GPA33: variants seen among roughly 807,000 people sequenced by gnomAD.
GPA33 encodes glycoprotein A33.
In GPA33, 27 loss-of-function variants were observed where a neutral mutation model predicts 35.6. The ratio of observed to expected loss-of-function variants is 0.76; its 90% confidence interval spans 0.56 to 1.04. GPA33 has a LOEUF of 1.04. Ranked by LOEUF, GPA33 falls within the 50% of genes least tolerant of loss-of-function variation. GPA33 has a pLI of 0.00. For missense variants in GPA33, 428 were observed against 411.9 expected (o/e 1.04, Z -0.34); for synonymous variants, 176 against 164.0 (o/e 1.07, Z -0.56).
At chr1:167,087,995 C>T (rs969184579) in intron 1 of GPA33, among the ~76,000 whole-genome samples, 14 of 151,988 alleles carry the variant, frequency 9.2e-5, no homozygotes, top group African/African-American at 3.4e-4. Context: ...AAAAGCACGG[C>T]CTTGCGTTTG....
intron 4 of GPA33, among the ~76,000 whole-genome samples, chr1:167,061,145 G>A (rs1666430333): frequency 6.6e-6 from 1 of 152,216 alleles, no homozygotes; most frequent in African/African-American, 2.4e-5. Context: ...CAGCTAACAA[G>A]TGTCCGAGCC....
intron 1 of GPA33, among the ~76,000 whole-genome samples, chr1:167,076,502 G>T (rs1412251559): frequency 2.0e-5 from 3 of 152,146 alleles, no homozygotes; most frequent in Non-Finnish European, 2.9e-5. Context: ...AATTCCAGCT[G>T]GATTAACACA....
intron 1 of GPA33, among the ~76,000 whole-genome samples, chr1:167,079,796 C>T (rs1026492931): frequency 6.6e-6 from 1 of 152,190 alleles, no homozygotes; most frequent in Admixed American, 6.5e-5. Context: ...GCCATTGTAG[C>T]TTTAGAGGCT....
intron 1 of GPA33, among the ~76,000 whole-genome samples, chr1:167,084,364 C>A (rs1338884220): frequency 6.6e-6 from 1 of 152,148 alleles, no homozygotes; most frequent in East Asian, 1.9e-4. Context: ...AATCATCACA[C>A]AAAGTGATGA....
At position 167,054,353 on chromosome 1, in the gene GPA33, G is replaced by A. The variant is rs148351388; in HGVS notation, c.941C>T (p.Pro314Leu). The change falls in exon 7 of 7, where the codon CCG (proline) becomes CTG (leucine). Residue 314 changes from proline (P) to leucine (L), a missense_variant. Pro to Leu is a moderately conservative substitution (Grantham distance 98). Coordinates refer to ENST00000367868, the MANE Select transcript of GPA33 (RefSeq NM_005814.3). Reference protein sequence around the residue: ...EEQRSTGRESPDHLDQ With the variant: ...EEQRSTGRESLDHLDQ ...GGCCTGTCACTGGTCGAGGTGGTCCGGGGATTCACGCCCAGTGCTCCTCTG... is the reference window on the plus strand; with the variant it reads ...GGCCTGTCACTGGTCGAGGTGGTCCAGGGATTCACGCCCAGTGCTCCTCTG... 328 of 1,613,998 alleles carry A rather than the reference G, an allele frequency of 2.0e-4. 2 individuals carry two copies. The African/African-American group carries it at 2.7e-3, about 13-fold the overall frequency.
chr1:167,056,665 G>GCCTGGGA, intron 4 of GPA33, among the ~76,000 whole-genome samples: 1 of 916 alleles, frequency 1.1e-3, no homozygotes, highest in South Asian at 0.062. Context: ...GTGGTACGGT[G>GCCTGGGA]AGTGTGTGAT....
At position 167,055,781 on chromosome 1, in the gene GPA33, T is replaced by A; in HGVS notation, c.640A>T (p.Ser214Cys). The A allele has an allele frequency of 1.9e-6, 3 of 1,613,668 alleles. No homozygotes were observed. The highest frequency in any genetic ancestry group is 2.5e-6 in the Non-Finnish European group (3 of 1,179,626). ...CAGAACTGCGTCCCCTCCTCATTGC[T>A]GGAGGTACAGATGTAGTAACCCGAT... ...DTSGYYICTS[S>C]NEEGTQFCNI... The change falls in exon 5 of 7, where the codon AGC becomes TGC. Residue 214 changes from serine to cysteine, a missense_variant. Ser to Cys is a moderately radical substitution (Grantham distance 112, BLOSUM62 -1). Transcript: ENST00000367868.
intron 4 of GPA33, among the ~76,000 whole-genome samples, chr1:167,062,217 T>A (rs986836846): frequency 6.6e-6 from 1 of 151,418 alleles, no homozygotes; most frequent in Non-Finnish European, 1.5e-5. Flanking sequence ...TTTACTTTAT[T>A]TTATTTTATT....
At chr1:167,056,804 G>GTGTGGCATGTGTAGTGTGGTGCATGTGGT (rs1558002143) in intron 4 of GPA33, among the ~76,000 whole-genome samples, 1 of 149,148 alleles carries the variant, frequency 6.7e-6, no homozygotes, top group Non-Finnish European at 1.5e-5. Flanking sequence ...CGTGTGGTGT[G>GTGTGGCATGTGTAGTGTGGTGCATGTGGT]GTGTGTATGT....
At chr1:167,055,629 G>C in intron 5 of GPA33, 101 bp downstream of exon 5, 2 of 1,327,276 alleles carry the variant, frequency 1.5e-6, no homozygotes, top group Non-Finnish European at 1.1e-6. Flanking sequence ...GCCCTAGAGA[G>C]GTTCCCCTAT....
rs564041864 is a variant in GPA33, at chr1:167,061,239, C to A, written c.571+2343G>T. 4.6e-5 allele frequency among the ~76,000 whole-genome samples: 7 copies of A among 152,304 alleles called. No individual in the cohort carries two copies. In the East Asian group the frequency reaches 9.6e-4, roughly 21 times the overall value. The stretch of plus-strand genomic sequence containing the variant: ...AGAAACCTTCTTTGATCTTCTTATG[C>A]ATCTTCTGTGTTACATCACCACTGG... On this transcript the variant is annotated intron_variant, in intron 4 of 6. Coordinates refer to ENST00000367868, the MANE Select transcript of GPA33 (RefSeq NM_005814.3).
chr1:167,075,236 T>C (rs1193680329), intron 1 of GPA33, among the ~76,000 whole-genome samples: 5 of 152,034 alleles, frequency 3.3e-5, no homozygotes, highest in Middle Eastern at 3.4e-3. Context: ...CTGGCAAATG[T>C]GGGGTGAACA....
At chr1:167,061,742 A>T (rs1666453357) in intron 4 of GPA33, among the ~76,000 whole-genome samples, 1 of 151,976 alleles carries the variant, frequency 6.6e-6, no homozygotes, top group Non-Finnish European at 1.5e-5. Context: ...AGCTGGGACT[A>T]CAGGCGTCCG....
rs1271264805 is a variant in GPA33, at chr1:167,090,039, G to A, written c.43+206C>T. On this transcript the variant is annotated intron_variant, in intron 1 of 6. Transcript: ENST00000367868. ...ACTTTGAATTCTTCATTTCAGCAGT[G>A]GGCTAGAATGTTATTTACTAATATG... 3.3e-5 allele frequency among the ~76,000 whole-genome samples: 5 copies of A among 152,072 alleles called. No individual in the cohort carries two copies. The South Asian group carries it at 1.0e-3, about 32-fold the overall frequency.
intron 4 of GPA33, among the ~76,000 whole-genome samples, chr1:167,060,693 T>C (rs1666419440): frequency 6.6e-6 from 1 of 152,218 alleles, no homozygotes; most frequent in Non-Finnish European, 1.5e-5. Context: ...AGTCTCCCTG[T>C]GGAGGCAGGA....
intron 1 of GPA33, among the ~76,000 whole-genome samples, chr1:167,077,528 A>G (rs1041474149): frequency 1.1e-4 from 16 of 152,138 alleles, no homozygotes; most frequent in Admixed American, 8.5e-4. Flanking sequence ...CACACTACAC[A>G]TTAAGGGACT....
At chr1:167,067,222 G>C (rs1265477079) in intron 3 of GPA33, among the ~76,000 whole-genome samples, 1 of 151,940 alleles carries the variant, frequency 6.6e-6, no homozygotes, top group South Asian at 2.1e-4. Context: ...GCAGCGGCTC[G>C]ATCACGGCTC....
intron 3 of GPA33, among the ~76,000 whole-genome samples, chr1:167,065,158 A>T (rs1331428800): frequency 1.3e-5 from 2 of 152,152 alleles, no homozygotes; most frequent in Non-Finnish European, 2.9e-5. Flanking sequence ...GGGTCAAGGA[A>T]TCTAGTGGGG....
At chr1:167,054,898 A>T in intron 6 of GPA33, 78 bp downstream of exon 6, 2 of 1,514,814 alleles carry the variant, frequency 1.3e-6, no homozygotes, top group Non-Finnish European at 1.8e-6. Flanking sequence ...CTGCAAGTAG[A>T]AGAGGCTGTG....
Sources: allele counts gnomAD v4.1 joint callset (sites outside exome capture counted in the v4.1 genomes callset), GRCh38; gene constraint gnomAD v4.1.1; transcripts MANE v1.5; gene names NCBI Gene and HGNC (gene_info 2026-07-23, HGNC 2026-07-21).